Variants in PRSS23 observed in about 807,000 individuals in gnomAD.
The protein encoded by PRSS23 is serine protease 23, also known as protease, serine 23.
PRSS23 carries 25 observed loss-of-function variants against 34.7 expected under a neutral mutation model. The ratio of observed to expected loss-of-function variants is 0.72; its 90% CI spans 0.53 to 1.01. PRSS23 has a LOEUF of 1.01. Among genes scored for constraint, PRSS23 ranks in the 50% least tolerant of loss-of-function variants. The pLI, the probability that PRSS23 is intolerant of heterozygous loss-of-function variation, is 0.00. For synonymous variants in PRSS23, 176 were observed against 186.6 expected (o/e 0.94, Z 0.46); for missense variants, 445 against 475.6 (o/e 0.94, Z 0.60).
At chr11:86,822,754 C>A (rs2134875708) in intron 1 of PRSS23, among the ~76,000 whole-genome samples, 1 of 152,132 alleles carries the variant, frequency 6.6e-6, no homozygotes, top group Non-Finnish European at 1.5e-5. Flanking sequence ...CCTCTGGGAG[C>A]AGAGAGACAT....
chr11:86,899,001 C>A (rs763492097), intron 2 of PRSS23, among the ~76,000 whole-genome samples: 5 of 152,200 alleles, frequency 3.3e-5, no homozygotes, highest in Non-Finnish European at 5.9e-5. Flanking sequence ...CTTCCAGGCA[C>A]ACCCAGAAGA....
At chr11:86,946,272 G>C (rs925037547) in intron 2 of PRSS23, 1 of 152,212 alleles carries the variant, frequency 6.6e-6, no homozygotes, top group Admixed American at 6.5e-5. Flanking sequence ...TTGTGGCGCA[G>C]AGTGGCTCTT....
intron 2 of PRSS23, among the ~76,000 whole-genome samples, chr11:86,914,679 C>G (rs1373826267): frequency 6.6e-6 from 1 of 152,022 alleles, no homozygotes; most frequent in African/African-American, 2.4e-5. Context: ...GTGGCAGAAC[C>G]TTTTTTCCCC....
intron 2 of PRSS23, among the ~76,000 whole-genome samples, chr11:86,863,824 A>G (rs1948631917): frequency 6.6e-6 from 1 of 152,208 alleles, no homozygotes. Flanking sequence ...AGAAGAATAT[A>G]AATCCAAATT....
chr11:86,842,396 C>A (rs540272095), intron 2 of PRSS23, among the ~76,000 whole-genome samples: 1 of 152,168 alleles, frequency 6.6e-6, no homozygotes, highest in Non-Finnish European at 1.5e-5. Context: ...CCTCTCTCAC[C>A]ACTCCAATTC....
At chr11:86,834,004 A>T (rs574082083) in intron 2 of PRSS23, among the ~76,000 whole-genome samples, 1 of 152,206 alleles carries the variant, frequency 6.6e-6, no homozygotes, top group Non-Finnish European at 1.5e-5. Flanking sequence ...GATCTTAGTC[A>T]TGGACTGCAT....
chr11:86,926,155 G>C (rs1402812817), intron 2 of PRSS23, among the ~76,000 whole-genome samples: 1 of 152,186 alleles, frequency 6.6e-6, no homozygotes, highest in East Asian at 1.9e-4. Flanking sequence ...CTGAGATCAG[G>C]AGTTCGAAAC....
rs913827412 is a variant in PRSS23, at chr11:86,840,527, C to G, written c.206+16934C>G. On this transcript the variant is annotated intron_variant, in intron 2 of 2. Transcript: ENST00000533902. ...AATAATAATGGGAGGCTTTAACACC[C>G]CACTTCAGTATTAGACAGATCAACA... Among the ~76,000 whole-genome samples the G allele has an allele frequency of 3.9e-5, 6 of 152,152 alleles. No individual in the cohort carries two copies. In the South Asian group the frequency reaches 1.0e-3, roughly 26 times the overall value.
At chr11:86,840,633 C>T (rs1456365404) in intron 2 of PRSS23, among the ~76,000 whole-genome samples, 1 of 152,240 alleles carries the variant, frequency 6.6e-6, no homozygotes, top group Admixed American at 6.5e-5. Flanking sequence ...ACAGAACTCT[C>T]TACCCCAAAT....
intron 2 of PRSS23, among the ~76,000 whole-genome samples, chr11:86,838,451 G>A (rs2134899873): frequency 6.6e-6 from 1 of 152,172 alleles, no homozygotes; most frequent in East Asian, 1.9e-4. Flanking sequence ...AGCTCACAGT[G>A]TAAACAAAGC....
chr11:86,886,864 G>A (rs187230557), intron 2 of PRSS23, among the ~76,000 whole-genome samples: 55 of 152,226 alleles, frequency 3.6e-4, no homozygotes, highest in Admixed American at 7.8e-4. Flanking sequence ...GCTTGAACCC[G>A]GGAGGCAGAA....
At chr11:86,883,423 G>A (rs2134963557) in intron 2 of PRSS23, among the ~76,000 whole-genome samples, 1 of 152,280 alleles carries the variant, frequency 6.6e-6, no homozygotes, top group South Asian at 2.1e-4. Flanking sequence ...AATGGTGCTG[G>A]AATAACTGGA....
intron 2 of PRSS23, chr11:86,858,078 G>A (rs1315870450): frequency 1.5e-5 from 3 of 202,260 alleles, no homozygotes; most frequent in Non-Finnish European, 3.0e-5. Flanking sequence ...CTAATATCTG[G>A]GGGAGAGAGG....
In PRSS23 at chr11:86,807,892, A is replaced by T. The variant is rs1948122440; in HGVS notation, c.249A>T (p.Gln83His). 8 of 1,614,108 alleles carry T rather than the reference A, an allele frequency of 5.0e-6. No individual in the cohort carries two copies. The highest frequency in any genetic ancestry group is 6.8e-6 in the Non-Finnish European group (8 of 1,180,024). Residue 83 changes from glutamine (Q) to histidine (H), a missense_variant, in exon 2 of 2, where the codon CAA becomes CAT. Transcript: ENST00000280258. ...TPLPTYEEAK[Q>H]YLSYETLYAN... is the part of the protein sequence containing the mutation. Reference sequence around the variant, plus strand: ...TGCCCACTTACGAAGAGGCCAAGCAATATCTGTCTTATGAAACGCTCTATG... The same window carrying T: ...TGCCCACTTACGAAGAGGCCAAGCATTATCTGTCTTATGAAACGCTCTATG...
exon 3 of PRSS23, chr11:86,951,868 TC>T: frequency 6.2e-7 from 1 of 1,613,658 alleles, no homozygotes; most frequent in Non-Finnish European, 8.5e-7. Flanking sequence ...TGTTCTTAAG[TC>T]CTTCTTGGAT....
exon 3 of PRSS23, chr11:86,951,260 T>G: frequency 6.2e-7 from 1 of 1,614,218 alleles, no homozygotes; most frequent in Non-Finnish European, 8.5e-7. Context: ...GTGAAGAGTT[T>G]TGGCAGACCA....
At chr11:86,839,695 C>G (rs1345955748) in intron 2 of PRSS23, among the ~76,000 whole-genome samples, 1 of 151,748 alleles carries the variant, frequency 6.6e-6, no homozygotes, top group African/African-American at 2.4e-5. Flanking sequence ...TAAAGGCAGC[C>G]AAAGAGAAAG....
intron 2 of PRSS23, among the ~76,000 whole-genome samples, chr11:86,906,864 G>A (rs570893794): frequency 1.3e-5 from 2 of 152,010 alleles, no homozygotes; most frequent in Admixed American, 1.3e-4. Flanking sequence ...ACAAATTAAG[G>A]CACCGAGAAA....
intron 2 of PRSS23, among the ~76,000 whole-genome samples, chr11:86,938,571 T>C (rs1949179944): frequency 6.6e-6 from 1 of 152,072 alleles, no homozygotes; most frequent in African/African-American, 2.4e-5. Flanking sequence ...ATGATGTGGC[T>C]GGAAGAGAGG....
Sources: gnomAD v4.1 joint callset for allele counts (sites outside exome capture counted in the v4.1 genomes callset) on GRCh38, gnomAD v4.1.1 for gene constraint, MANE v1.5 for transcripts, NCBI Gene and HGNC (gene_info 2026-07-23, HGNC 2026-07-21) for gene names.